Variants in MAST4 observed in about 807,000 individuals in gnomAD.
MAST4 encodes microtubule associated serine/threonine kinase family member 4, also known as microtubule-associated serine/threonine-protein kinase 4.
In MAST4, 89 loss-of-function variants were observed where a neutral mutation model predicts 162.7. The observed-to-expected ratio is 0.55, with a 90% CI of 0.46 to 0.65. The LOEUF (loss-of-function observed/expected upper bound fraction) is 0.65. Among genes scored for constraint, MAST4 ranks in the 30% least tolerant of loss-of-function variants. The pLI is 0.00. For synonymous variants in MAST4, 1,479 were observed against 1,361.1 expected (o/e 1.09, Z -1.91); for missense variants, 3,153 against 3,374.0 (o/e 0.93, Z 1.62).
At chr5:66,993,253 G>A (rs1750247049) in intron 4 of MAST4, among the ~76,000 whole-genome samples, 1 of 152,134 alleles carries the variant, frequency 6.6e-6, no homozygotes, top group South Asian at 2.1e-4. Flanking sequence ...ATCCCTCAGG[G>A]CTTATCTGTA....
At chr5:66,923,940 A>C (rs1304215197) in intron 4 of MAST4, among the ~76,000 whole-genome samples, 12 of 152,240 alleles carry the variant, frequency 7.9e-5, no homozygotes, top group Admixed American at 3.9e-4. Flanking sequence ...GCTCATCTTA[A>C]GATGTGTTTT....
intron 1 of MAST4, chr5:66,663,043 G>C (rs1459683955): frequency 1.3e-5 from 2 of 152,274 alleles, no homozygotes; most frequent in African/African-American, 2.4e-5. Context: ...GTTTCACCAT[G>C]TTGGTCAGGC....
chr5:66,671,452 C>T (rs930035257), intron 1 of MAST4, among the ~76,000 whole-genome samples: 17 of 152,168 alleles, frequency 1.1e-4, no homozygotes, highest in Non-Finnish European at 5.9e-5. Flanking sequence ...CTAGCAACTT[C>T]TCTGAATGTT....
intron 1 of MAST4, among the ~76,000 whole-genome samples, chr5:66,644,551 T>TTGTTCCAGAACGGTAG (rs1745698206): frequency 6.6e-6 from 1 of 152,188 alleles, no homozygotes; most frequent in Admixed American, 6.5e-5. Flanking sequence ...GGAATTATTA[T>TTGTTCCAGAACGGTAG]TGTTCCAGAA....
intron 19 of MAST4, among the ~76,000 whole-genome samples, chr5:67,137,891 A>T (rs1769869270): frequency 6.6e-6 from 1 of 152,226 alleles, no homozygotes; most frequent in Non-Finnish European, 1.5e-5. Context: ...TTTGCCCTTT[A>T]CACAAAAGCT....
chr5:66,797,595 T>C (rs1455570171), intron 3 of MAST4, among the ~76,000 whole-genome samples: 3 of 152,166 alleles, frequency 2.0e-5, no homozygotes, highest in African/African-American at 7.2e-5. Flanking sequence ...TTAAGGAGCC[T>C]ATAAACTAGT....
chr5:66,894,441 C>T (rs1241406008), intron 3 of MAST4, among the ~76,000 whole-genome samples: 1 of 152,114 alleles, frequency 6.6e-6, no homozygotes, highest in Non-Finnish European at 1.5e-5. Flanking sequence ...GGTGATAACT[C>T]TTTTGTTTTA....
intron 1 of MAST4, among the ~76,000 whole-genome samples, chr5:66,696,293 T>C (rs1310343995): frequency 6.6e-6 from 1 of 151,786 alleles, no homozygotes; most frequent in Non-Finnish European, 1.5e-5. Context: ...GTGCAGCAAA[T>C]CACCATGGCA....
At chr5:66,906,792 T>C (rs1436343058) in intron 4 of MAST4, among the ~76,000 whole-genome samples, 1 of 152,204 alleles carries the variant, frequency 6.6e-6, no homozygotes, top group East Asian at 1.9e-4. Flanking sequence ...AATAAATGTA[T>C]GAAAAGAATA....
chr5:66,771,859 C>T (rs186744986), intron 2 of MAST4, among the ~76,000 whole-genome samples: 1 of 151,294 alleles, frequency 6.6e-6, no homozygotes, highest in African/African-American at 2.4e-5. Flanking sequence ...CTTTTTAGTA[C>T]TTCCCTGAAA....
intron 1 of MAST4, among the ~76,000 whole-genome samples, chr5:66,723,298 A>T (rs1751328144): frequency 6.6e-6 from 1 of 152,182 alleles, no homozygotes; most frequent in Admixed American, 6.6e-5. Flanking sequence ...AATTGAAATG[A>T]TTCTTCCTAA....
At chr5:66,710,266 TTG>T (rs1561278428) in intron 1 of MAST4, among the ~76,000 whole-genome samples, 1 of 152,234 alleles carries the variant, frequency 6.6e-6, no homozygotes, top group African/African-American at 2.4e-5. Context: ...TGGAGAAATA[TTG>T]TGTTTTTTAA....
intron 4 of MAST4, chr5:67,003,946 A>T (rs190595801): frequency 1.3e-5 from 2 of 152,262 alleles, no homozygotes; most frequent in Admixed American, 1.3e-4. Context: ...GTTTTCGGTG[A>T]GTGTGGCTTC....
intron 1 of MAST4, among the ~76,000 whole-genome samples, chr5:66,622,369 T>A (rs1054378720): frequency 1.3e-4 from 19 of 150,308 alleles, no homozygotes; most frequent in Non-Finnish European, 2.4e-4. Context: ...GATCAAAGGC[T>A]AGGAATGAAG....
chr5:66,929,209 T>C (rs1490649129), intron 4 of MAST4, among the ~76,000 whole-genome samples: 1 of 152,160 alleles, frequency 6.6e-6, no homozygotes, highest in East Asian at 1.9e-4. Context: ...CCTGAGAACC[T>C]TGGGGGCCAT....
chr5:66,620,885 C>T (rs992982199), intron 1 of MAST4, among the ~76,000 whole-genome samples: 4 of 151,984 alleles, frequency 2.6e-5, no homozygotes, highest in Non-Finnish European at 5.9e-5. Flanking sequence ...TTAATCAGCC[C>T]AAGCAGGTGC....
rs141730349 is a variant in MAST4, at chr5:66,600,920, G to A, written c.363+3902G>A. 2.5e-3 allele frequency among the ~76,000 whole-genome samples: 388 copies of A among 152,312 alleles called. 4 individuals are homozygous for A. The highest frequency in any genetic ancestry group is 8.8e-3 in the African/African-American group (366 of 41,570). On this transcript the variant is annotated intron_variant, in intron 1 of 28. Coordinates refer to ENST00000403625, the MANE Select transcript of MAST4 (RefSeq NM_001164664.2). Reference sequence around the variant, plus strand: ...TCCAACTCAACAAGAGACAACCCATGTATACTCTGCTACACTAAGGGACTT... The same window carrying A: ...TCCAACTCAACAAGAGACAACCCATATATACTCTGCTACACTAAGGGACTT...
At chr5:66,669,962 A>G (rs1370273772) in intron 1 of MAST4, among the ~76,000 whole-genome samples, 1 of 152,216 alleles carries the variant, frequency 6.6e-6, no homozygotes, top group Non-Finnish European at 1.5e-5. Context: ...TCTGTCTGGC[A>G]TTCAGGTAGT....
chr5:67,163,751 GGAC>G lies in MAST4; in HGVS notation c.4576_4578del (p.Asp1526del), dbSNP rs1269548999. ...GGAAGGTGGGCCGCCAGGAGTCTGTGGACGACCTGGACCGCGACAAGCTGAAGG... is the reference window on the plus strand; with the variant it reads ...GGAAGGTGGGCCGCCAGGAGTCTGTGGACCTGGACCGCGACAAGCTGAAGG... On this transcript the variant is annotated inframe_deletion, in exon 29 of 29. Coordinates refer to ENST00000403625, the MANE Select transcript of MAST4 (RefSeq NM_001164664.2). This position sits in a 1 kb window ranked among gnomAD's most constrained non-coding sequence, Gnocchi z 7.0. 1 of 1,609,542 alleles carries G rather than the reference GGAC, an allele frequency of 6.2e-7. No homozygotes were observed. The highest frequency in any genetic ancestry group is 2.2e-5 in the East Asian group (1 of 44,696).
Sources: gnomAD v4.1 joint callset for allele counts (sites outside exome capture counted in the v4.1 genomes callset) on GRCh38, gnomAD v4.1.1 for gene constraint, Gnocchi (gnomAD v3.1) non-coding constraint, MANE v1.5 for transcripts, NCBI Gene and HGNC (gene_info 2026-07-23, HGNC 2026-07-21) for gene names.